Variants in RSU1 observed in about 807,000 individuals in gnomAD.
RSU1 encodes Ras suppressor protein 1.
A neutral mutation model predicts 31.1 loss-of-function variants in RSU1; 26 were observed. The observed-to-expected ratio is 0.84, with a 90% CI of 0.61 to 1.16. The LOEUF is 1.16. Among genes scored for constraint, RSU1 ranks in the 50% most tolerant of loss-of-function variants. The probability of loss-of-function intolerance (pLI) is 0.00; values close to 1 mark genes in which losing one functional copy is unlikely to be tolerated. For synonymous variants in RSU1, 164 were observed against 136.3 expected (o/e 1.20, Z -1.41); for missense variants, 320 against 339.1 (o/e 0.94, Z 0.44).
At position 16,732,940 on chromosome 10, in the gene RSU1, G is replaced by C. The variant is rs80248902; in HGVS notation, c.598+19599C>G. Among the ~76,000 whole-genome samples the C allele has an allele frequency of 4.0e-3, 610 of 152,256 alleles. 4 individuals carry two copies. In the East Asian group the frequency reaches 0.047, roughly 12 times the overall value. ...AAGGTTGGAAGCATGGATGGAGTTT[G>C]ATAAAGTCTACCTGCATGGCTTTGA... On this transcript the variant is annotated intron_variant, in intron 7 of 8. Coordinates refer to ENST00000345264, the MANE Select transcript of RSU1 (RefSeq NM_012425.4).
chr10:16,759,973 T>C (rs993518532), intron 4 of RSU1, among the ~76,000 whole-genome samples: 4 of 152,178 alleles, frequency 2.6e-5, no homozygotes, highest in Non-Finnish European at 5.9e-5. Flanking sequence ...GTCCTCCCTA[T>C]AACTTGCCTC....
At chr10:16,654,680 C>CA (rs147140192) in intron 8 of RSU1, among the ~76,000 whole-genome samples, 15,197 of 111,686 alleles carry the variant, frequency 0.14, 1,463 homozygotes, top group African/African-American at 0.31. Context: ...AAAACAAAAA[C>CA]AAAAAAAAAA....
In RSU1 at chr10:16,692,558, G is replaced by C. The variant is rs1355533211; in HGVS notation, c.731+2465C>G. Among the ~76,000 whole-genome samples, 4 of 152,004 alleles carry C rather than the reference G, an allele frequency of 2.6e-5. No individual in the cohort carries two copies. In the East Asian group the frequency reaches 5.8e-4, roughly 22 times the overall value. ...TTTTTCAAGATACCATACAAACCAA[G>C]CTCTAAATAGCTTCCTGTTTACTAA... On this transcript the variant is annotated intron_variant, in intron 8 of 8. Coordinates refer to ENST00000345264, the MANE Select transcript of RSU1 (RefSeq NM_012425.4).
chr10:16,770,119 G>A (rs998286928), intron 3 of RSU1, among the ~76,000 whole-genome samples: 1 of 152,084 alleles, frequency 6.6e-6, no homozygotes, highest in Non-Finnish European at 1.5e-5. Flanking sequence ...GGTAGTGACG[G>A]TACAGACAGA....
chr10:16,701,159 T>G (rs954275188), intron 7 of RSU1, among the ~76,000 whole-genome samples: 1 of 152,174 alleles, frequency 6.6e-6, no homozygotes, highest in African/African-American at 2.4e-5. Flanking sequence ...TGGATTATTC[T>G]CATAATTAAA....
chr10:16,777,518 G>C (rs1267411670), intron 3 of RSU1, among the ~76,000 whole-genome samples: 1 of 152,174 alleles, frequency 6.6e-6, no homozygotes, highest in Non-Finnish European at 1.5e-5. Flanking sequence ...AACATGCCCT[G>C]TGGTGCAGGG....
intron 7 of RSU1, among the ~76,000 whole-genome samples, chr10:16,740,556 C>T (rs1836729123): frequency 6.6e-6 from 1 of 152,096 alleles, no homozygotes; most frequent in Non-Finnish European, 1.5e-5. Flanking sequence ...GGTAAAACAG[C>T]TCTCATAAAG....
chr10:16,810,984 T>G (rs1838396659), intron 2 of RSU1, among the ~76,000 whole-genome samples: 1 of 140,060 alleles, frequency 7.1e-6, no homozygotes, highest in African/African-American at 2.7e-5. Context: ...ATCATGCCAC[T>G]GTAGTCCAGC....
chr10:16,800,169 A>C (rs543610478), intron 2 of RSU1, among the ~76,000 whole-genome samples: 1 of 152,180 alleles, frequency 6.6e-6, no homozygotes, highest in Non-Finnish European at 1.5e-5. Context: ...CTTTTACCCA[A>C]TGCATCATGT....
At chr10:16,646,757 A>G (rs1834579939) in intron 8 of RSU1, among the ~76,000 whole-genome samples, 1 of 152,224 alleles carries the variant, frequency 6.6e-6, no homozygotes, top group African/African-American at 2.4e-5. Context: ...TAATATTAAA[A>G]TATGTGAGTA....
intron 2 of RSU1, among the ~76,000 whole-genome samples, chr10:16,809,920 A>AT (rs1838366679): frequency 6.7e-6 from 1 of 149,088 alleles, no homozygotes; most frequent in South Asian, 2.1e-4. Flanking sequence ...TCAGTAGATA[A>AT]TTTTAAAATT....
Position 16,622,904 on chromosome 10 carries a change from A to G in RSU1, c.732-29408T>C, listed in dbSNP as rs117855502. 2.6e-5 allele frequency among the ~76,000 whole-genome samples: 4 copies of G among 152,382 alleles called. No individual in the cohort carries two copies. The South Asian group carries it at 6.2e-4, about 24-fold the overall frequency. ...AAAGAACTGCAATTTTGCAGATACA[A>G]TTCAATGATCTGAATGTCTAAGTAT... is the stretch of plus-strand genomic sequence containing the variant. On this transcript the variant is annotated intron_variant, in intron 8 of 8. Coordinates refer to ENST00000345264, the MANE Select transcript of RSU1 (RefSeq NM_012425.4).
At chr10:16,680,359 G>A (rs1835306909) in intron 8 of RSU1, among the ~76,000 whole-genome samples, 1 of 151,780 alleles carries the variant, frequency 6.6e-6, no homozygotes, top group Non-Finnish European at 1.5e-5. Flanking sequence ...AAGAGCTCAA[G>A]TTTAAAAAAA....
intron 4 of RSU1, among the ~76,000 whole-genome samples, chr10:16,757,523 G>C (rs546693358): frequency 5.7e-4 from 87 of 152,348 alleles, no homozygotes; most frequent in African/African-American, 1.9e-3. Flanking sequence ...CATTCTCCAT[G>C]AAGTCACAAT....
chr10:16,780,745 C>G (rs894721626), intron 3 of RSU1, among the ~76,000 whole-genome samples: 6 of 152,180 alleles, frequency 3.9e-5, no homozygotes, highest in African/African-American at 1.4e-4. Flanking sequence ...CCCTTCTGAA[C>G]TGAGAATCTG....
At chr10:16,696,644 T>C (rs1353020441) in intron 7 of RSU1, among the ~76,000 whole-genome samples, 1 of 152,222 alleles carries the variant, frequency 6.6e-6, no homozygotes, top group East Asian at 1.9e-4. Flanking sequence ...ATTATCAATA[T>C]TGTCAATTTC....
chr10:16,783,364 C>CTTTTTTTTTTTTTTTTTTT (rs57270890), intron 2 of RSU1, among the ~76,000 whole-genome samples: 12 of 132,072 alleles, frequency 9.1e-5, no homozygotes, highest in East Asian at 2.2e-4. Flanking sequence ...ACAACTTTTG[C>CTTTTTTTTTTTTTTTTTTT]TTTTTTTTTT....
intron 7 of RSU1, among the ~76,000 whole-genome samples, chr10:16,731,212 G>A (rs1244430071): frequency 6.6e-6 from 1 of 151,964 alleles, no homozygotes; most frequent in South Asian, 2.1e-4. Flanking sequence ...TATCAAGGTG[G>A]CTCAAAGCTT....
At chr10:16,805,780 G>A (rs1383906765) in intron 2 of RSU1, among the ~76,000 whole-genome samples, 2 of 150,620 alleles carry the variant, frequency 1.3e-5, no homozygotes, top group Admixed American at 1.3e-4. Context: ...ATTGTTAATT[G>A]CGTGTCAGGT....
Sources: allele counts gnomAD v4.1 joint callset (sites outside exome capture counted in the v4.1 genomes callset), GRCh38; gene constraint gnomAD v4.1.1; transcripts MANE v1.5; gene names NCBI Gene and HGNC (gene_info 2026-07-23, HGNC 2026-07-21).